KLF17: variants seen among roughly 807,000 people sequenced by gnomAD.
KLF17 encodes the protein Krueppel-like factor 17.
In KLF17, 31 loss-of-function variants were observed where a neutral mutation model predicts 34.2. The ratio of observed to expected loss-of-function variants is 0.91; its 90% CI spans 0.68 to 1.22. The LOEUF (loss-of-function observed/expected upper bound fraction) is 1.22. KLF17 is among the 50% of genes most tolerant of loss of function. The probability of loss-of-function intolerance (pLI) is 0.00; values close to 1 mark genes in which losing one functional copy is unlikely to be tolerated. For synonymous variants in KLF17, 179 were observed against 186.7 expected (o/e 0.96, Z 0.34); for missense variants, 478 against 505.2 (o/e 0.95, Z 0.52).
the KLF17 span, among the ~76,000 whole-genome samples, chr1:44,102,117 A>T: frequency 3.3e-5 from 5 of 152,200 alleles, no homozygotes; most frequent in African/African-American, 1.2e-4. Context: ...ATAGAAAACA[A>T]ATATGGTAGA....
chr1:44,044,515 G>C, the KLF17 span: 1 of 152,318 alleles, frequency 6.6e-6, no homozygotes, highest in East Asian at 1.9e-4. Context: ...CCTGGAATGT[G>C]TGGCTGTGTC....
the KLF17 span, chr1:44,075,982 T>A: frequency 6.6e-6 from 1 of 152,248 alleles, no homozygotes; most frequent in Non-Finnish European, 1.5e-5. Flanking sequence ...TTCCCCAAAG[T>A]GGTTGCACCA....
the KLF17 span, among the ~76,000 whole-genome samples, chr1:44,100,501 A>G: frequency 1.3e-5 from 2 of 152,226 alleles, no homozygotes; most frequent in East Asian, 1.9e-4. Flanking sequence ...ATGATGTAAT[A>G]TAAAGAAACA....
chr1:44,088,113 T>G, the KLF17 span: 3 of 157,228 alleles, frequency 1.9e-5, no homozygotes, highest in Non-Finnish European at 4.2e-5. Context: ...TTATTTTTAT[T>G]TATTTATTTA....
the KLF17 span, among the ~76,000 whole-genome samples, chr1:44,048,824 TCTTTG>T: frequency 0.062 from 9,376 of 152,208 alleles, 949 homozygotes; most frequent in African/African-American, 0.21. Flanking sequence ...TGATTAGTTT[TCTTTG>T]TTTTTATGTG....
the KLF17 span, among the ~76,000 whole-genome samples, chr1:44,060,726 A>G: frequency 6.6e-6 from 1 of 152,196 alleles, no homozygotes; most frequent in African/African-American, 2.4e-5. Flanking sequence ...ACTTGACTCA[A>G]ACCCTAGAAT....
chr1:44,125,015 T>C (rs2087991872), intron 1 of KLF17, among the ~76,000 whole-genome samples: 1 of 152,232 alleles, frequency 6.6e-6, no homozygotes, highest in Admixed American at 6.5e-5. Context: ...GTATAAATTT[T>C]ATGCATTCTT....
intron 1 of KLF17, among the ~76,000 whole-genome samples, chr1:44,129,136 C>T (rs938699400): frequency 6.6e-6 from 1 of 152,010 alleles, no homozygotes; most frequent in African/African-American, 2.4e-5. Flanking sequence ...AAAACATGTC[C>T]AAGGGAAGGT....
chr1:44,049,264 G>A, the KLF17 span, among the ~76,000 whole-genome samples: 3 of 152,018 alleles, frequency 2.0e-5, no homozygotes, highest in African/African-American at 4.8e-5. Context: ...CAACGACCCC[G>A]TCTCCTAATC....
At chr1:44,057,587 C>T in the KLF17 span, among the ~76,000 whole-genome samples, 12 of 152,306 alleles carry the variant, frequency 7.9e-5, no homozygotes, top group African/African-American at 2.6e-4. Flanking sequence ...CAGCACCATA[C>T]TATATCTCTG....
chr1:44,068,486 C>A, the KLF17 span, among the ~76,000 whole-genome samples: 1 of 152,222 alleles, frequency 6.6e-6, no homozygotes, highest in Non-Finnish European at 1.5e-5. Flanking sequence ...CCACCACCTC[C>A]CTGTTACTGG....
the KLF17 span, among the ~76,000 whole-genome samples, chr1:44,082,133 C>A: frequency 6.6e-6 from 1 of 152,076 alleles, no homozygotes; most frequent in African/African-American, 2.4e-5. Flanking sequence ...AATAATATCC[C>A]CATAATCACA....
the KLF17 span, among the ~76,000 whole-genome samples, chr1:44,063,125 AAG>A: frequency 6.6e-6 from 1 of 152,212 alleles, no homozygotes; most frequent in Non-Finnish European, 1.5e-5. Context: ...AAAGAAAAAA[AAG>A]AGGTCAGATA....
chr1:44,092,309 T>A, the KLF17 span, among the ~76,000 whole-genome samples: 1 of 69,956 alleles, frequency 1.4e-5, no homozygotes, highest in East Asian at 4.3e-4. Flanking sequence ...GCCATTGCAC[T>A]CTATCTAGCC....
chr1:44,105,976 C>T, the KLF17 span, among the ~76,000 whole-genome samples: 1 of 151,718 alleles, frequency 6.6e-6, no homozygotes, highest in Admixed American at 6.6e-5. Context: ...CCAGCCTGGG[C>T]AACATAGTGA....
chr1:44,127,676 TTC>T (rs745946458), intron 1 of KLF17, among the ~76,000 whole-genome samples: 9,755 of 60,744 alleles, frequency 0.16, 495 homozygotes, highest in South Asian at 0.24. Context: ...CTTTCTTTCT[TTC>T]TTTCTTTCTT....
the KLF17 span, among the ~76,000 whole-genome samples, chr1:44,079,798 C>T: frequency 6.6e-6 from 1 of 152,112 alleles, no homozygotes; most frequent in Non-Finnish European, 1.5e-5. Flanking sequence ...TTGGAAAGAA[C>T]ATCCTTCCCC....
the KLF17 span, among the ~76,000 whole-genome samples, chr1:44,056,440 G>T: frequency 2.0e-5 from 3 of 152,096 alleles, no homozygotes; most frequent in Admixed American, 6.5e-5. Flanking sequence ...GCCTTTTTGG[G>T]AATCCTGATC....
the KLF17 span, among the ~76,000 whole-genome samples, chr1:44,101,767 C>T: frequency 1.3e-5 from 2 of 151,688 alleles, no homozygotes; most frequent in African/African-American, 4.8e-5. Flanking sequence ...TGGCTCATGC[C>T]TGTAATCCCA....
Sources: gnomAD v4.1 joint callset for allele counts (sites outside exome capture counted in the v4.1 genomes callset) on GRCh38, gnomAD v4.1.1 for gene constraint, MANE v1.5 for transcripts, NCBI Gene and HGNC (gene_info 2026-07-23, HGNC 2026-07-21) for gene names.